Variants in NRG3 observed in about 807,000 individuals in gnomAD.
NRG3 encodes pro-neuregulin-3, membrane-bound isoform.
In NRG3, 31 loss-of-function variants were observed where a neutral mutation model predicts 66.9. That is an observed-to-expected ratio of 0.46 (90% CI 0.35 to 0.63). The LOEUF (loss-of-function observed/expected upper bound fraction) is 0.63. Among genes scored for constraint, NRG3 ranks in the 20% least tolerant of loss-of-function variants. NRG3 has a pLI of 0.00. For missense variants in NRG3, 910 were observed against 878.9 expected (o/e 1.04, Z -0.45); for synonymous variants, 393 against 359.4 (o/e 1.09, Z -1.06).
chr10:82,576,725 C>G (rs888050347), intron 2 of NRG3, among the ~76,000 whole-genome samples: 2 of 151,770 alleles, frequency 1.3e-5, no homozygotes, highest in Non-Finnish European at 2.9e-5. Context: ...GCTGAAAATT[C>G]TAACCCCCAG....
intron 2 of NRG3, among the ~76,000 whole-genome samples, chr10:82,419,152 G>A (rs375562524): frequency 7.9e-5 from 12 of 152,162 alleles, no homozygotes; most frequent in East Asian, 7.7e-4. Flanking sequence ...GCTACCCTGA[G>A]CTTAGTGAAA....
At chr10:82,081,552 C>G (rs540097335) in intron 1 of NRG3, among the ~76,000 whole-genome samples, 1 of 152,258 alleles carries the variant, frequency 6.6e-6, no homozygotes, top group South Asian at 2.1e-4. Flanking sequence ...GGTTAACAGT[C>G]TTTCTAGGTA....
At chr10:82,844,554 T>C (rs2063216041) in intron 3 of NRG3, among the ~76,000 whole-genome samples, 1 of 152,154 alleles carries the variant, frequency 6.6e-6, no homozygotes, top group East Asian at 1.9e-4. Flanking sequence ...GATTCAACAT[T>C]CTTATATAAA....
intron 2 of NRG3, among the ~76,000 whole-genome samples, chr10:82,622,279 A>G (rs942029423): frequency 1.4e-5 from 2 of 147,350 alleles, no homozygotes; most frequent in African/African-American, 5.0e-5. Context: ...AAGAAGAGAA[A>G]TGATATTCCC....
chr10:82,275,804 A>G (rs1173220551), intron 1 of NRG3, among the ~76,000 whole-genome samples: 2 of 152,082 alleles, frequency 1.3e-5, no homozygotes, highest in Admixed American at 1.3e-4. Context: ...TCTAAGAGTT[A>G]GAATATAAAA....
chr10:82,753,093 A>G (rs193037421), intron 3 of NRG3, among the ~76,000 whole-genome samples: 2 of 152,306 alleles, frequency 1.3e-5, no homozygotes, highest in Admixed American at 6.5e-5. Context: ...TCATACTACT[A>G]GAATGGTACC....
chr10:82,380,085 G>A (rs1417891403), intron 2 of NRG3, among the ~76,000 whole-genome samples: 1 of 151,782 alleles, frequency 6.6e-6, no homozygotes, highest in East Asian at 1.9e-4. Flanking sequence ...ACAGTTTGTT[G>A]GATATTTACC....
At chr10:81,952,355 C>G (rs1849446638) in intron 1 of NRG3, among the ~76,000 whole-genome samples, 1 of 151,838 alleles carries the variant, frequency 6.6e-6, no homozygotes, top group African/African-American at 2.4e-5. Context: ...GGTGATTTCA[C>G]TTATACTATT....
chr10:82,697,281 A>G (rs2055464600), intron 2 of NRG3, among the ~76,000 whole-genome samples: 1 of 152,204 alleles, frequency 6.6e-6, no homozygotes, highest in South Asian at 2.1e-4. Context: ...AGTGTTAGGG[A>G]AGTCCGGAAA....
At chr10:81,967,042 C>T (rs992133725) in intron 1 of NRG3, among the ~76,000 whole-genome samples, 86 of 151,632 alleles carry the variant, frequency 5.7e-4, no homozygotes, top group Non-Finnish European at 8.8e-4. Flanking sequence ...AAAAAATTTT[C>T]TATTTTATAC....
chr10:82,940,998 T>C (rs1474297512), intron 4 of NRG3, among the ~76,000 whole-genome samples: 1 of 151,992 alleles, frequency 6.6e-6, no homozygotes, highest in East Asian at 1.9e-4. Flanking sequence ...TCCATAACAG[T>C]GGGAGTTTCA....
intron 2 of NRG3, among the ~76,000 whole-genome samples, chr10:82,388,666 C>T (rs1360118990): frequency 6.6e-6 from 1 of 152,102 alleles, no homozygotes; most frequent in East Asian, 1.9e-4. Flanking sequence ...GGAATTAGTA[C>T]AAGATTTCAT....
chr10:81,993,461 C>T (rs1411931005), intron 1 of NRG3, among the ~76,000 whole-genome samples: 3 of 152,104 alleles, frequency 2.0e-5, no homozygotes, highest in African/African-American at 7.2e-5. Context: ...ATCCTCCTGC[C>T]TTAGCCTCCT....
At chr10:82,426,628 AT>A (rs2089463450) in intron 2 of NRG3, among the ~76,000 whole-genome samples, 2 of 141,550 alleles carry the variant, frequency 1.4e-5, no homozygotes, top group Admixed American at 7.8e-5. Context: ...TATTATTATT[AT>A]TATTATTATT....
chr10:81,954,538 T>TTC (rs1849645863), intron 1 of NRG3, among the ~76,000 whole-genome samples: 2 of 152,058 alleles, frequency 1.3e-5, no homozygotes, highest in East Asian at 1.9e-4. Context: ...AGAGCTTGCT[T>TTC]TCTCTCTCTC....
intron 2 of NRG3, among the ~76,000 whole-genome samples, chr10:82,417,095 T>C (rs1564897743): frequency 6.6e-6 from 1 of 152,176 alleles, no homozygotes; most frequent in Admixed American, 6.6e-5. Context: ...AGGTCACTCA[T>C]TCTTTCCCTT....
chr10:81,923,218 C>A (rs749037096), intron 1 of NRG3, among the ~76,000 whole-genome samples: 5 of 152,160 alleles, frequency 3.3e-5, no homozygotes, highest in Non-Finnish European at 7.3e-5. Flanking sequence ...AGACTACCTA[C>A]CTGTGGGCAA....
chr10:82,395,711 CATCT>C (rs1342861711), intron 2 of NRG3, among the ~76,000 whole-genome samples: 4 of 152,092 alleles, frequency 2.6e-5, no homozygotes, highest in Admixed American at 6.5e-5. Flanking sequence ...CCCATCCATC[CATCT>C]ATCCACCCAT....
chr10:82,389,426 TTTAC>T (rs1466688967), intron 2 of NRG3, among the ~76,000 whole-genome samples: 1 of 152,184 alleles, frequency 6.6e-6, no homozygotes, highest in African/African-American at 2.4e-5. Context: ...ATTTTCTTAT[TTTAC>T]TTCACATTCT....
Sources: allele counts gnomAD v4.1 joint callset (sites outside exome capture counted in the v4.1 genomes callset), GRCh38; gene constraint gnomAD v4.1.1; transcripts MANE v1.5; gene names NCBI Gene and HGNC (gene_info 2026-07-23, HGNC 2026-07-21).